SLC24A2: variants seen among roughly 807,000 people sequenced by gnomAD.
SLC24A2 encodes solute carrier family 24 member 2.
SLC24A2 carries 36 observed loss-of-function variants against 62.0 expected under a neutral mutation model. The ratio of observed to expected loss-of-function variants is 0.58; its 90% confidence interval spans 0.44 to 0.77. The LOEUF is 0.77. SLC24A2 is among the 30% of genes least tolerant of loss of function. SLC24A2 has a pLI of 0.00. For synonymous variants in SLC24A2, 358 were observed against 294.0 expected (o/e 1.22, Z -2.23); for missense variants, 846 against 817.9 (o/e 1.03, Z -0.42).
chr9:19,971,289 T>G, the SLC24A2 span, among the ~76,000 whole-genome samples: 1 of 151,916 alleles, frequency 6.6e-6, no homozygotes, highest in Admixed American at 6.6e-5. Flanking sequence ...TCCAGATGCA[T>G]GAGTAAAGAA....
chr9:19,553,588 T>C (rs1300631922), intron 7 of SLC24A2, among the ~76,000 whole-genome samples: 1 of 152,128 alleles, frequency 6.6e-6, no homozygotes, highest in Non-Finnish European at 1.5e-5. Context: ...GGTGGTGTGT[T>C]GGTTGTCAGA....
At chr9:19,756,909 T>TC (rs1564082930) in intron 2 of SLC24A2, among the ~76,000 whole-genome samples, 1 of 135,506 alleles carries the variant, frequency 7.4e-6, no homozygotes, top group African/African-American at 2.7e-5. Flanking sequence ...GAAGCTTTTT[T>TC]TTTTTTTTTT....
intron 2 of SLC24A2, among the ~76,000 whole-genome samples, chr9:19,756,874 G>A (rs1394265660): frequency 7.5e-6 from 1 of 133,566 alleles, no homozygotes; most frequent in African/African-American, 2.7e-5. Flanking sequence ...TAAAACTAGA[G>A]CTTGATATTC....
At chr9:19,828,964 ACCCTGCAG>A in the SLC24A2 span, among the ~76,000 whole-genome samples, 1 of 152,032 alleles carries the variant, frequency 6.6e-6, no homozygotes, top group Non-Finnish European at 1.5e-5. Context: ...CCTAATGGAC[ACCCTGCAG>A]CCCTCTCCTC....
the SLC24A2 span, among the ~76,000 whole-genome samples, chr9:19,978,754 G>A: frequency 2.6e-5 from 4 of 152,112 alleles, no homozygotes; most frequent in African/African-American, 9.7e-5. Flanking sequence ...CAGAATTGAG[G>A]TGATTGAAGA....
the SLC24A2 span, among the ~76,000 whole-genome samples, chr9:20,088,671 C>T: frequency 2.0e-5 from 3 of 151,982 alleles, no homozygotes; most frequent in African/African-American, 7.3e-5. Flanking sequence ...TGGAGCAGAC[C>T]CCCCCAAAGC....
At chr9:19,586,745 C>G (rs1277599066) in intron 5 of SLC24A2, among the ~76,000 whole-genome samples, 2 of 152,078 alleles carry the variant, frequency 1.3e-5, no homozygotes, top group Admixed American at 6.5e-5. Flanking sequence ...TGCTTGAGAG[C>G]TGATGTTCTT....
chr9:19,960,491 A>G, the SLC24A2 span, among the ~76,000 whole-genome samples: 1 of 152,336 alleles, frequency 6.6e-6, no homozygotes, highest in African/African-American at 2.4e-5. Context: ...TTCCCTTGTG[A>G]GACTGGAACC....
chr9:19,728,269 C>T (rs1004134389), intron 2 of SLC24A2, among the ~76,000 whole-genome samples: 77 of 150,522 alleles, frequency 5.1e-4, no homozygotes, highest in African/African-American at 1.8e-3. Context: ...TGAGTTGCTT[C>T]GTATGACTGG....
the SLC24A2 span, among the ~76,000 whole-genome samples, chr9:19,951,086 C>A: frequency 6.6e-6 from 1 of 152,162 alleles, no homozygotes; most frequent in African/African-American, 2.4e-5. Context: ...TCCATCAGGC[C>A]TTTGATGAGT....
the SLC24A2 span, among the ~76,000 whole-genome samples, chr9:20,180,422 G>C: frequency 1.3e-5 from 2 of 152,052 alleles, no homozygotes; most frequent in African/African-American, 4.8e-5. Context: ...AACTCATATT[G>C]ACTTCCAGTG....
chr9:20,265,110 G>A, the SLC24A2 span, among the ~76,000 whole-genome samples: 772 of 152,330 alleles, frequency 5.1e-3, 4 homozygotes, highest in East Asian at 0.022. Flanking sequence ...GGGCTACAGC[G>A]GGAGATCCAT....
the SLC24A2 span, among the ~76,000 whole-genome samples, chr9:20,192,943 T>C: frequency 6.6e-6 from 1 of 152,158 alleles, no homozygotes; most frequent in Non-Finnish European, 1.5e-5. Context: ...AAATCACTTA[T>C]ATTAAAAATA....
chr9:20,186,142 G>A, the SLC24A2 span, among the ~76,000 whole-genome samples: 1 of 152,010 alleles, frequency 6.6e-6, no homozygotes, highest in Admixed American at 6.5e-5. Flanking sequence ...TGAGCACATA[G>A]CGTAATAGGG....
chr9:20,089,582 G>C, the SLC24A2 span, among the ~76,000 whole-genome samples: 1 of 151,932 alleles, frequency 6.6e-6, no homozygotes, highest in Non-Finnish European at 1.5e-5. Context: ...AGGGCCCCTA[G>C]CTCATGACCA....
chr9:19,942,425 G>A, the SLC24A2 span, among the ~76,000 whole-genome samples: 1 of 152,112 alleles, frequency 6.6e-6, no homozygotes, highest in Admixed American at 6.6e-5. Context: ...TCTGATTCAG[G>A]ACTTATGTCC....
the SLC24A2 span, among the ~76,000 whole-genome samples, chr9:20,191,516 C>T: frequency 6.6e-6 from 1 of 151,878 alleles, no homozygotes; most frequent in African/African-American, 2.4e-5. Context: ...AGAAAGCATT[C>T]CGACAGTATC....
At chr9:20,004,196 A>G in the SLC24A2 span, among the ~76,000 whole-genome samples, 4 of 152,238 alleles carry the variant, frequency 2.6e-5, no homozygotes, top group African/African-American at 4.8e-5. Flanking sequence ...GGCTGCACTC[A>G]TGCAATCGCC....
chr9:19,877,051 G>A, the SLC24A2 span, among the ~76,000 whole-genome samples: 1 of 151,910 alleles, frequency 6.6e-6, no homozygotes, highest in African/African-American at 2.4e-5. Context: ...ATATTAATAT[G>A]AACCTTTGCC....
Sources: allele counts gnomAD v4.1 joint callset (sites outside exome capture counted in the v4.1 genomes callset), GRCh38; gene constraint gnomAD v4.1.1; transcripts MANE v1.5; gene names NCBI Gene and HGNC (gene_info 2026-07-23, HGNC 2026-07-21).